TAF7L: variants seen among roughly 807,000 people sequenced by gnomAD.
The protein encoded by TAF7L is TATA-box binding protein associated factor 7 like.
A neutral mutation model predicts 30.2 loss-of-function variants in TAF7L; 6 were observed. The observed-to-expected ratio is 0.20, with a 90% CI of 0.11 to 0.39. The LOEUF (loss-of-function observed/expected upper bound fraction) is 0.39. Among genes scored for constraint, TAF7L ranks in the 10% least tolerant of loss-of-function variants. The pLI, the probability that TAF7L is intolerant of heterozygous loss-of-function variation, is 1.00. For missense variants in TAF7L, 284 were observed against 277.1 expected, an observed-to-expected ratio of 1.03 and a Z score of -0.18; for synonymous variants, 93 against 94.5, an observed-to-expected ratio of 0.98 and a Z score of 0.09.
chrX:101,282,853 C>A (rs1924461770), intron 4 of TAF7L, among the ~76,000 whole-genome samples: 1 of 111,135 alleles, frequency 9.0e-6, no homozygotes, highest in African/African-American at 3.3e-5. Flanking sequence ...GCACCCTCGA[C>A]CTCCTGGGCT....
At chrX:101,274,453 C>T (rs202090802) in intron 12 of TAF7L, among the ~76,000 whole-genome samples, 2 of 111,324 alleles carry the variant, frequency 1.8e-5, no homozygotes, top group African/African-American at 6.5e-5. Context: ...GCAATCCTCT[C>T]GCGTCGGCCT....
At position 101,275,271 on chromosome X, in the gene TAF7L, T is replaced by G. The variant is rs1241147328; in HGVS notation, c.1037A>C (p.Gln346Pro). The G allele has an allele frequency of 1.7e-6, 2 of 1,162,278 alleles. No individual in the cohort carries two copies. The highest frequency in any genetic ancestry group is 3.1e-5 in the East Asian group (1 of 31,841). Residue 346 changes from glutamine (Q) to proline (P), a missense_variant, in exon 12 of 13, where the codon CAG becomes CCG. Transcript: ENST00000356784. ...VENLTLKNHF[Q>P]SVLEQLELQE... ...TAACTCAAGCTGCTCCAGCACAGACTGAAAATGATTCTGAAAAATAAATTG... is the reference window on the plus strand; with the variant it reads ...TAACTCAAGCTGCTCCAGCACAGACGGAAAATGATTCTGAAAAATAAATTG...
At chrX:101,292,856 G>C (rs746738196), upstream of TAF7L, 1 of 1,211,687 alleles carries the variant, frequency 8.3e-7, no homozygotes, top group Non-Finnish European at 1.1e-6. Flanking sequence ...GCATCCGTTT[G>C]AGTGTCCTCG....
chrX:101,270,074 C>A (rs774992265), intron 12 of TAF7L, among the ~76,000 whole-genome samples: 10 of 111,536 alleles, frequency 9.0e-5, no homozygotes, highest in Non-Finnish European at 1.9e-4. Context: ...AGAGCCCTGA[C>A]CAATCAGGAG....
Position 101,278,787 on chromosome X carries a change from TC to T in TAF7L, c.504+206del, listed in dbSNP as rs200724506. On this transcript the variant is annotated intron_variant, in intron 7 of 12. Coordinates refer to ENST00000356784, the MANE Select transcript of TAF7L (RefSeq NM_001168474.2). ...ACACGGGGTCACTGGCCAAATTGTATCTTTTCCTCTAGCAGTTATCAAACAT... is the reference window on the plus strand; with the variant it reads ...ACACGGGGTCACTGGCCAAATTGTATTTTTCCTCTAGCAGTTATCAAACAT... Among the ~76,000 whole-genome samples, 837 of 112,260 alleles carry T rather than the reference TC, an allele frequency of 7.5e-3. 31 individuals are homozygous for T. Among genetic ancestry groups the T allele is most frequent in the Admixed American group, 0.074 (775 of 10,516 alleles).
At chrX:101,292,263 AAT>A (rs1168596823), upstream of TAF7L, among the ~76,000 whole-genome samples, 8 of 33,411 alleles carry the variant, frequency 2.4e-4, no homozygotes, top group East Asian at 5.8e-3. Context: ...AAATAAAAAA[AAT>A]AAATAAAAAT....
chrX:101,278,968 A>T, intron 7 of TAF7L, 26 bp downstream of exon 7: 1 of 1,176,431 alleles, frequency 8.5e-7, no homozygotes, highest in South Asian at 1.8e-5. Flanking sequence ...AAGGGTAAAA[A>T]TGAAGTTATA....
chrX:101,288,543 G>A (rs113665908), intron 1 of TAF7L, among the ~76,000 whole-genome samples: 228 of 101,788 alleles, frequency 2.2e-3, no homozygotes, highest in Middle Eastern at 0.01. Flanking sequence ...TGATTTATTC[G>A]TTACTACCCT....
chrX:101,288,205 G>A (rs1277532202), intron 1 of TAF7L, among the ~76,000 whole-genome samples: 2 of 107,493 alleles, frequency 1.9e-5, no homozygotes, highest in East Asian at 2.9e-4. Flanking sequence ...GCAGTGGTGC[G>A]ATCTCGGCTC....
At chrX:101,273,514 G>A (rs909254742) in intron 12 of TAF7L, among the ~76,000 whole-genome samples, 1 of 111,364 alleles carries the variant, frequency 9.0e-6, no homozygotes, top group Non-Finnish European at 1.9e-5. Flanking sequence ...TCTTGAACCC[G>A]AGAGGCGGAT....
upstream of TAF7L, chrX:101,292,674 G>A (rs1052944884): frequency 2.6e-5 from 23 of 884,775 alleles, no homozygotes; most frequent in African/African-American, 4.1e-5. Context: ...AGGTTACGTC[G>A]CCCATTGCTC....
chrX:101,277,291 G>T (rs1307900949), intron 9 of TAF7L, among the ~76,000 whole-genome samples: 1 of 103,056 alleles, frequency 9.7e-6, no homozygotes, highest in Admixed American at 1.1e-4. Flanking sequence ...AAACCCCGAC[G>T]CTAGTAAAAA....
chrX:101,270,964 A>C (rs1923946399), intron 12 of TAF7L, among the ~76,000 whole-genome samples: 1 of 111,160 alleles, frequency 9.0e-6, no homozygotes, highest in Admixed American at 9.7e-5. Flanking sequence ...CTATCTCCTT[A>C]TTAAAACCCT....
Position 101,279,133 on chromosome X carries a change from T to C in TAF7L, c.463-98A>G, listed in dbSNP as rs1423888851. ...ACTATCCTTAACTTAGTTTTACATT[T>C]AGTAGGCACTCAATAAATGTTGATT... On this transcript the variant is annotated intron_variant, in intron 6 of 12. Transcript: ENST00000356784. 4 of 660,210 alleles carry C rather than the reference T, an allele frequency of 6.1e-6. No homozygotes were observed. In the East Asian group the frequency reaches 1.3e-4, roughly 22 times the overall value. 54.4% of individuals were successfully genotyped at this position (660,210 alleles called of 1,213,427 possible). A position where few individuals can be genotyped will look rare whatever the true frequency, so the allele number is the denominator to read the frequency against.
At chrX:101,286,489 C>G in intron 3 of TAF7L, 86 bp downstream of exon 3, 1 of 667,660 alleles carries the variant, frequency 1.5e-6, no homozygotes, top group East Asian at 3.4e-5. Context: ...TTTTCACATC[C>G]TTAGTACCAA....
upstream of TAF7L, chrX:101,292,758 G>A (rs1018739470): frequency 3.4e-6 from 4 of 1,193,233 alleles, no homozygotes; most frequent in African/African-American, 1.8e-5. Context: ...GAAGGTCCTC[G>A]GCTGGGGGAA....
rs180782369 is a variant in TAF7L, at chrX:101,280,354, C to T, written c.463-1319G>A. ...AGGCAAAAGGCATGAGCAGACATTTCGCTGAAGTGGAATAGATGGCACATG... is the reference window on the plus strand; with the variant it reads ...AGGCAAAAGGCATGAGCAGACATTTTGCTGAAGTGGAATAGATGGCACATG... On this transcript the variant is annotated intron_variant, in intron 6 of 12. Coordinates refer to ENST00000356784, the MANE Select transcript of TAF7L (RefSeq NM_001168474.2). Among the ~76,000 whole-genome samples, 36 of 111,703 alleles carry T rather than the reference C, an allele frequency of 3.2e-4. No individual in the cohort carries two copies. The East Asian group carries it at 8.9e-3, about 28-fold the overall frequency.
chrX:101,285,181 C>T (rs1343873170), intron 3 of TAF7L, among the ~76,000 whole-genome samples: 1 of 110,623 alleles, frequency 9.0e-6, no homozygotes, highest in Non-Finnish European at 1.9e-5. Context: ...TTCTGAGGAA[C>T]CTCCATACCA....
At chrX:101,291,381 C>G (rs1924795921), upstream of TAF7L, 1 of 582,076 alleles carries the variant, frequency 1.7e-6, no homozygotes. Flanking sequence ...GCGCCGGCCC[C>G]TCCCCGCCTC....
Sources: allele counts gnomAD v4.1 joint callset (sites outside exome capture counted in the v4.1 genomes callset), GRCh38; gene constraint gnomAD v4.1.1; transcripts MANE v1.5; gene names NCBI Gene and HGNC (gene_info 2026-07-23, HGNC 2026-07-21).